The following SH2D4A variants were observed in gnomAD, a reference collection of about 807,000 sequenced individuals.
SH2D4A encodes SH2 domain-containing protein 4A.
A neutral mutation model predicts 64.7 loss-of-function variants in SH2D4A; 70 were observed. The ratio of observed to expected loss-of-function variants is 1.08; its 90% CI spans 0.89 to 1.32. The LOEUF (loss-of-function observed/expected upper bound fraction) is 1.32. SH2D4A is among the 40% of genes most tolerant of loss of function. The pLI, the probability that SH2D4A is intolerant of heterozygous loss-of-function variation, is 0.00. For missense variants in SH2D4A, 706 were observed against 540.1 expected (o/e 1.31, Z -3.04); for synonymous variants, 268 against 200.7 (o/e 1.34, Z -2.83).
chr8:19,339,864 T>A (rs1585158665), intron 4 of SH2D4A, among the ~76,000 whole-genome samples: 1 of 152,308 alleles, frequency 6.6e-6, no homozygotes, highest in East Asian at 1.9e-4. Context: ...GTTGATTGAT[T>A]TACTCATAAC....
chr8:19,367,610 C>T (rs2053020517), intron 7 of SH2D4A, among the ~76,000 whole-genome samples: 1 of 151,876 alleles, frequency 6.6e-6, no homozygotes, highest in Admixed American at 6.6e-5. Context: ...AGTTTGAGTT[C>T]CTATATTGAT....
At chr8:19,358,937 C>A (rs1563200325) in intron 5 of SH2D4A, among the ~76,000 whole-genome samples, 1 of 152,170 alleles carries the variant, frequency 6.6e-6, no homozygotes, top group East Asian at 1.9e-4. Context: ...AGCATCCAGC[C>A]TCGGCCCCTC....
At chr8:19,393,231 ACT>A in intron 8 of SH2D4A, 85 bp from the exon 9 acceptor site, 1 of 1,215,996 alleles carries the variant, frequency 8.2e-7, no homozygotes, top group South Asian at 1.2e-5. Flanking sequence ...GGCGTCATTG[ACT>A]CTATATCCAT....
At chr8:19,390,887 G>T (rs868698285) in intron 8 of SH2D4A, among the ~76,000 whole-genome samples, 1 of 152,182 alleles carries the variant, frequency 6.6e-6, no homozygotes, top group East Asian at 1.9e-4. Context: ...TTACTTAGCC[G>T]AGGTTTGGTT....
chr8:19,395,241 A>T lies in SH2D4A; in HGVS notation c.*599A>T, dbSNP rs2053568856. 6.6e-6 allele frequency: 1 copy of T among 152,278 alleles called. No individual in the cohort carries two copies. Among genetic ancestry groups the T allele is most frequent in the Admixed American group, 6.5e-5 (1 of 15,286 alleles). The allele number at this position is 152,278 out of a possible 1,614,324, so 9.4% of individuals were successfully genotyped here. On this transcript the variant is annotated 3_prime_UTR_variant, in exon 10 of 10. Transcript: ENST00000265807. ...CAGATGGACCTGCAGGAAAGTGAGC[A>T]AACATCGCTGAGTTTGTTTTCTTGT... is the stretch of plus-strand genomic sequence containing the variant.
chr8:19,371,391 C>T (rs2053092943), intron 7 of SH2D4A, among the ~76,000 whole-genome samples: 1 of 151,874 alleles, frequency 6.6e-6, no homozygotes, highest in Admixed American at 6.6e-5. Context: ...TGTATCATCT[C>T]ACTTCTTTCT....
At chr8:19,367,351 AT>A (rs2053014324) in intron 7 of SH2D4A, among the ~76,000 whole-genome samples, 1 of 151,998 alleles carries the variant, frequency 6.6e-6, no homozygotes, top group African/African-American at 2.4e-5. Context: ...ATACTAATTT[AT>A]ATTCTTACTA....
intron 4 of SH2D4A, among the ~76,000 whole-genome samples, chr8:19,356,884 G>A (rs549752360): frequency 6.6e-6 from 1 of 152,334 alleles, no homozygotes; most frequent in East Asian, 1.9e-4. Flanking sequence ...TTAAATAGGG[G>A]GTAATGTTGA....
chr8:19,338,804 A>G (rs2052483076), intron 4 of SH2D4A, among the ~76,000 whole-genome samples: 2 of 152,230 alleles, frequency 1.3e-5, no homozygotes, highest in African/African-American at 4.8e-5. Context: ...TTGTTACAGC[A>G]GCAGTGGAAA....
intron 2 of SH2D4A, among the ~76,000 whole-genome samples, 192 bp from the exon 3 acceptor site, chr8:19,332,762 CT>C (rs1350519804): frequency 6.6e-6 from 1 of 150,790 alleles, no homozygotes; most frequent in Non-Finnish European, 1.5e-5. Flanking sequence ...AATATTTTCA[CT>C]GAAGCTGCCT....
intron 2 of SH2D4A, among the ~76,000 whole-genome samples, chr8:19,322,309 T>G (rs1281148929): frequency 6.6e-6 from 1 of 152,188 alleles, no homozygotes; most frequent in African/African-American, 2.4e-5. Flanking sequence ...CTCGTGCATC[T>G]GATCCCTGAA....
At chr8:19,359,831 G>C (rs1585179955) in intron 5 of SH2D4A, among the ~76,000 whole-genome samples, 1 of 150,814 alleles carries the variant, frequency 6.6e-6, no homozygotes, top group African/African-American at 2.5e-5. Flanking sequence ...CAATATTAAT[G>C]TTTATACTTT....
chr8:19,359,386 C>G (rs1013772205), intron 5 of SH2D4A, among the ~76,000 whole-genome samples: 7 of 152,096 alleles, frequency 4.6e-5, no homozygotes, highest in Non-Finnish European at 8.8e-5. Flanking sequence ...TGTCATGTTC[C>G]AAATTTCTTG....
intron 1 of SH2D4A, among the ~76,000 whole-genome samples, chr8:19,314,593 G>A (rs573235581): frequency 6.6e-6 from 1 of 152,198 alleles, no homozygotes; most frequent in Non-Finnish European, 1.5e-5. Context: ...TCCCTTCCCA[G>A]GGAGCTTAGA....
In SH2D4A at chr8:19,319,655, C is replaced by A. The variant is rs769101182; in HGVS notation, c.108C>A (p.Ile36=). The A allele has an allele frequency of 1.2e-6, 2 of 1,610,976 alleles. No homozygotes were observed. Among genetic ancestry groups the A allele is most frequent in the South Asian group, 1.1e-5 (1 of 90,246 alleles). ...TCTTCAAGATGAGAGAGGAACAGAT[C>A]CGACGATGGAAAGAAAGAGAAGCAG... ...ILFFKMREEQ[I]RRWKEREAAM... is the part of the protein sequence containing the mutation. Residue 36 remains isoleucine (I), a synonymous_variant, in exon 2 of 10, where the codon ATC becomes ATA. Transcript: ENST00000265807.
intron 4 of SH2D4A, among the ~76,000 whole-genome samples, chr8:19,344,688 C>A (rs2052583982): frequency 6.6e-6 from 1 of 152,144 alleles, no homozygotes; most frequent in South Asian, 2.1e-4. Context: ...TGACAGCTAC[C>A]ATACCCCTGT....
intron 4 of SH2D4A, among the ~76,000 whole-genome samples, chr8:19,348,885 A>G (rs899801776): frequency 6.6e-6 from 1 of 152,182 alleles, no homozygotes; most frequent in Non-Finnish European, 1.5e-5. Context: ...TGGGGTTAGC[A>G]GAACCAGTGT....
At chr8:19,380,123 T>C (rs528397475) in intron 8 of SH2D4A, among the ~76,000 whole-genome samples, 1 of 152,328 alleles carries the variant, frequency 6.6e-6, no homozygotes, top group South Asian at 2.1e-4. Context: ...ATTTCCCTAA[T>C]GACTAGTAAT....
chr8:19,330,246 C>T (rs1009536042), intron 2 of SH2D4A, among the ~76,000 whole-genome samples: 4 of 152,140 alleles, frequency 2.6e-5, no homozygotes, highest in African/African-American at 9.7e-5. Context: ...GAACAACTTC[C>T]CCCTCCTCCT....
Sources: gnomAD v4.1 joint callset for allele counts (sites outside exome capture counted in the v4.1 genomes callset) on GRCh38, gnomAD v4.1.1 for gene constraint, MANE v1.5 for transcripts, NCBI Gene and HGNC (gene_info 2026-07-23, HGNC 2026-07-21) for gene names.